Variants in PIBF1 observed in about 807,000 individuals in gnomAD.
PIBF1 encodes the protein progesterone-induced-blocking factor 1.
In PIBF1, 90 loss-of-function variants were observed where a neutral mutation model predicts 112.5. The observed-to-expected ratio is 0.80, with a 90% confidence interval of 0.67 to 0.95. PIBF1 has a LOEUF of 0.95. Among genes scored for constraint, PIBF1 ranks in the 40% least tolerant of loss-of-function variants. PIBF1 has a pLI of 0.00. For synonymous variants in PIBF1, 301 were observed against 288.6 expected (o/e 1.04, Z -0.44); for missense variants, 915 against 852.3 (o/e 1.07, Z -0.92).
At chr13:72,970,570 A>C (rs2138931101) in intron 15 of PIBF1, 2 of 152,320 alleles carry the variant, frequency 1.3e-5, no homozygotes, top group South Asian at 4.1e-4. Context: ...AGAGCCATAA[A>C]CATGAATTTC....
At chr13:73,004,389 G>A (rs1367902770) in intron 17 of PIBF1, among the ~76,000 whole-genome samples, 1 of 151,782 alleles carries the variant, frequency 6.6e-6, no homozygotes, top group Non-Finnish European at 1.5e-5. Context: ...TACTCAGGAG[G>A]CTGAGACAAG....
chr13:72,792,310 G>A, intron 2 of PIBF1, 137 bp from the exon 3 acceptor site: 1 of 586,810 alleles, frequency 1.7e-6, no homozygotes, highest in South Asian at 2.3e-5. Flanking sequence ...TGGAATTATA[G>A]GCGTGAGCCC....
At chr13:72,895,950 G>A (rs988878042) in intron 11 of PIBF1, among the ~76,000 whole-genome samples, 14 of 152,106 alleles carry the variant, frequency 9.2e-5, no homozygotes, top group South Asian at 6.2e-4. Context: ...CAGTGGGAGC[G>A]AGACCAGCCC....
At chr13:72,866,074 C>T (rs921085165) in intron 10 of PIBF1, among the ~76,000 whole-genome samples, 1 of 152,124 alleles carries the variant, frequency 6.6e-6, no homozygotes, top group Admixed American at 6.5e-5. Context: ...TCCAGGCATT[C>T]CTTGGCTTCC....
At chr13:72,832,741 T>C (rs773990573) in intron 8 of PIBF1, among the ~76,000 whole-genome samples, 3 of 152,156 alleles carry the variant, frequency 2.0e-5, no homozygotes, top group Non-Finnish European at 4.4e-5. Flanking sequence ...CTGACAATTA[T>C]GTGTGTTAGT....
intron 9 of PIBF1, among the ~76,000 whole-genome samples, chr13:72,835,881 C>T (rs1042953044): frequency 2.6e-5 from 4 of 152,120 alleles, no homozygotes; most frequent in South Asian, 4.1e-4. Context: ...GGGCAGATCA[C>T]GAGGTCAGGA....
At chr13:72,839,345 C>T (rs2037500132) in intron 9 of PIBF1, among the ~76,000 whole-genome samples, 1 of 152,126 alleles carries the variant, frequency 6.6e-6, no homozygotes, top group South Asian at 2.1e-4. Context: ...AATTAAACAG[C>T]TGCATAAATA....
chr13:72,889,258 G>A (rs9318123), intron 10 of PIBF1, among the ~76,000 whole-genome samples: 151,262 of 152,274 alleles, frequency 0.99, 75,136 homozygotes, highest in Middle Eastern at 1. Context: ...TGTCCTTGTC[G>A]ACTCCAATTT....
chr13:72,790,819 T>C (rs749781787), intron 2 of PIBF1, among the ~76,000 whole-genome samples: 2 of 152,144 alleles, frequency 1.3e-5, no homozygotes, highest in Non-Finnish European at 2.9e-5. Flanking sequence ...ATTATGGACT[T>C]TAACAAGAAT....
rs543449657 is a variant in PIBF1, at chr13:72,987,227, T to G, written c.2050-11595T>G. 6.7e-4 allele frequency among the ~76,000 whole-genome samples: 102 copies of G among 152,150 alleles called. 2 individuals are homozygous for G. Among genetic ancestry groups the G allele is most frequent in the Non-Finnish European group, 7.6e-4 (52 of 68,008 alleles). ...GCACGTAAAACAGGCAGTAAGAGATTTGTTACACATGTCTCCAAAGTCCAG... is the reference window on the plus strand; with the variant it reads ...GCACGTAAAACAGGCAGTAAGAGATGTGTTACACATGTCTCCAAAGTCCAG... On this transcript the variant is annotated intron_variant, in intron 16 of 17. Coordinates refer to ENST00000326291, the MANE Select transcript of PIBF1 (RefSeq NM_006346.4).
intron 9 of PIBF1, among the ~76,000 whole-genome samples, chr13:72,838,559 G>A (rs1380149044): frequency 6.6e-6 from 1 of 152,140 alleles, no homozygotes; most frequent in African/African-American, 2.4e-5. Context: ...AAAGTAAAGT[G>A]GCATACAGAA....
intron 5 of PIBF1, 151 bp from the exon 6 acceptor site, chr13:72,821,698 G>T: frequency 1.9e-6 from 1 of 521,982 alleles, no homozygotes; most frequent in Non-Finnish European, 3.2e-6. Context: ...CCTTTGAATA[G>T]GGAAAAATTA....
rs79382639 is a variant in PIBF1, at chr13:72,806,482, G to A, written c.672+8456G>A. Among the ~76,000 whole-genome samples, 7 of 151,844 alleles carry A rather than the reference G, an allele frequency of 4.6e-5. No homozygotes were observed. The South Asian group carries it at 8.3e-4, about 18-fold the overall frequency. On this transcript the variant is annotated intron_variant, in intron 5 of 17. Coordinates refer to ENST00000326291, the MANE Select transcript of PIBF1 (RefSeq NM_006346.4). The stretch of plus-strand genomic sequence containing the variant: ...GGTGGTTTGCTGCACCCATCAACCC[G>A]TATCTACATTAGGTATTTCACCTAA...
intron 6 of PIBF1, among the ~76,000 whole-genome samples, chr13:72,824,123 C>A (rs1489298378): frequency 6.6e-6 from 1 of 152,100 alleles, no homozygotes; most frequent in Non-Finnish European, 1.5e-5. Context: ...AAACAATTCT[C>A]CTGCCTCAGC....
chr13:72,827,677 G>C, intron 7 of PIBF1, 56 bp from the exon 8 acceptor site: 1 of 1,051,158 alleles, frequency 9.5e-7, no homozygotes, highest in Non-Finnish European at 1.3e-6. Flanking sequence ...ATACAGTCAA[G>C]CTTGAAAAGT....
rs1346031710 is a variant in PIBF1 at position 72,998,911 on chromosome 13, T to C, written c.2139T>C (p.His713=). Residue 713 remains histidine, a synonymous_variant, in exon 17 of 18, where the codon CAT becomes CAC. Coordinates refer to ENST00000326291, the MANE Select transcript of PIBF1 (RefSeq NM_006346.4). ...SLLLTKTEPK[H]VTENQKSKTL... The stretch of plus-strand genomic sequence containing the variant: ...TTCTCACTAAAACAGAACCAAAACA[T>C]GTGACAGAAAATCAGAAATCAAAGA... 6.2e-7 allele frequency: 1 copy of C among 1,611,930 alleles called. No individual in the cohort carries two copies. Among genetic ancestry groups the C allele is most frequent in the Non-Finnish European group, 8.5e-7 (1 of 1,178,492 alleles).
intron 8 of PIBF1, among the ~76,000 whole-genome samples, chr13:72,832,867 A>C (rs2037187511): frequency 6.6e-6 from 1 of 152,158 alleles, no homozygotes; most frequent in South Asian, 2.1e-4. Context: ...AGTGTTTTCC[A>C]ACTTGGTTCC....
intron 14 of PIBF1, 98 bp from the exon 15 acceptor site, chr13:72,965,176 C>G: frequency 2.8e-6 from 3 of 1,089,000 alleles, no homozygotes; most frequent in Non-Finnish European, 1.3e-6. Context: ...TAATTCATGT[C>G]AAAGGAATTT....
At chr13:72,831,480 G>T (rs2037110458) in intron 8 of PIBF1, among the ~76,000 whole-genome samples, 1 of 152,036 alleles carries the variant, frequency 6.6e-6, no homozygotes, top group South Asian at 2.1e-4. Context: ...ATTCTCATTG[G>T]TTTCAAAGAA....
Sources: allele counts gnomAD v4.1 joint callset (sites outside exome capture counted in the v4.1 genomes callset), GRCh38; gene constraint gnomAD v4.1.1; transcripts MANE v1.5; gene names NCBI Gene and HGNC (gene_info 2026-07-23, HGNC 2026-07-21).